The following BSN variants were observed in gnomAD, a reference collection of about 807,000 sequenced individuals.
BSN encodes the protein bassoon presynaptic cytomatrix protein, also known as protein bassoon.
Under a neutral mutation model 264.8 loss-of-function variants are expected in BSN, and 57 were observed. The observed-to-expected ratio is 0.22, with a 90% CI of 0.17 to 0.27. The LOEUF (loss-of-function observed/expected upper bound fraction) is 0.27. Ranked by LOEUF, BSN falls within the 10% of genes least tolerant of loss-of-function variation. The probability of loss-of-function intolerance (pLI) is 1.00; values close to 1 mark genes in which losing one functional copy is unlikely to be tolerated. For synonymous variants in BSN, 2,059 were observed against 2,137.3 expected (o/e 0.96, Z 1.01); for missense variants, 4,615 against 5,232.5 (o/e 0.88, Z 3.64).
chr3:49,660,799 A>G lies in BSN; in HGVS notation c.8954A>G (p.Gln2985Arg). Residue 2985 changes from glutamine to arginine, a missense_variant, in exon 6 of 12, where the codon CAA (glutamine) becomes CGA (arginine). Physicochemically the swap from Gln to Arg is conservative, Grantham distance 43. Coordinates refer to ENST00000296452, the MANE Select transcript of BSN (RefSeq NM_003458.4). This position sits in a 1 kb window ranked among gnomAD's most constrained non-coding sequence, Gnocchi z 7.1. The part of the protein sequence containing the change: ...KLKYLELGIT[Q>R]RKESLAKDRG... ...AAGTACCTGGAGTTGGGTATCACAC[A>G]ACGCAAAGAGTCTTTGGCCAAAGAC... The G allele has an allele frequency of 4.3e-6, 7 of 1,613,148 alleles. No individual in the cohort carries two copies. Among genetic ancestry groups the G allele is most frequent in the Non-Finnish European group, 5.9e-6 (7 of 1,179,998 alleles).
chr3:49,620,255 T>C (rs773642301), intron 1 of BSN, among the ~76,000 whole-genome samples: 26 of 152,104 alleles, frequency 1.7e-4, no homozygotes, highest in Non-Finnish European at 2.6e-4. Flanking sequence ...TGAAACCTCG[T>C]GTCTACTAAA....
In BSN at chr3:49,657,451, G is replaced by A. The variant is rs372666149; in HGVS notation, c.7895G>A (p.Arg2632His). ...WEQPVRRRRS[R>H]LPRHSDSGSD... ...CAGCCAGTGCGCCGCCGCAGGTCTC[G>A]TCTTCCCCGCCACTCAGACTCAGGC... The change falls in exon 5 of 12, where the codon CGT becomes CAT. Residue 2632 changes from arginine (R) to histidine (H), a missense_variant. By Grantham distance (29) the Arg-to-His change is conservative. Transcript: ENST00000296452. The A allele has an allele frequency of 7.4e-6, 12 of 1,612,440 alleles. No individual in the cohort carries two copies. Among genetic ancestry groups the A allele is most frequent in the East Asian group, 4.5e-5 (2 of 44,880 alleles).
At position 49,654,809 on chromosome 3, in the gene BSN, T is replaced by C. The variant is rs2052581551; in HGVS notation, c.5253T>C (p.Tyr1751=). ...FMAQQKQPVV[Y]GDPYQSRLDF... ...CTCAACAAAAGCAGCCTGTGGTCTATGGAGACCCCTACCAGAGCCGCCTTG... is the reference window on the plus strand; with the variant it reads ...CTCAACAAAAGCAGCCTGTGGTCTACGGAGACCCCTACCAGAGCCGCCTTG... Residue 1751 remains tyrosine (Y), a synonymous_variant, in exon 5 of 12, where the codon TAT becomes TAC. Coordinates refer to ENST00000296452, the MANE Select transcript of BSN (RefSeq NM_003458.4). The surrounding 1 kb of genome is among the most constrained non-coding windows in gnomAD (Gnocchi z 4.1). 1.9e-6 allele frequency: 3 copies of C among 1,613,532 alleles called. No individual in the cohort carries two copies. The highest frequency in any genetic ancestry group is 2.5e-6 in the Non-Finnish European group (3 of 1,179,970).
Position 49,642,976 on chromosome 3 carries a change from G to A in BSN, c.1342G>A (p.Ala448Thr). Residue 448 changes from alanine to threonine, a missense_variant, in exon 3 of 12, where the codon GCA (alanine) becomes ACA (threonine). Coordinates refer to ENST00000296452, the MANE Select transcript of BSN (RefSeq NM_003458.4). The surrounding 1 kb of genome is among the most constrained non-coding windows in gnomAD (Gnocchi z 7.0). ...PKHGRAEHQA[A>T]SKAAAKPKTM... is the part of the protein sequence containing the mutation. ...GCATGGCAGAGCAGAACATCAGGCA[G>A]CATCGAAGGCTGCTGCCAAGCCAAA... The A allele has an allele frequency of 6.2e-7, 1 of 1,614,066 alleles. No individual in the cohort carries two copies. The highest frequency in any genetic ancestry group is 1.3e-5 in the African/African-American group (1 of 75,064).
chr3:49,663,812 C>T lies in BSN; in HGVS notation c.11534C>T (p.Ser3845Phe). Residue 3845 changes from serine (S) to phenylalanine (F), a missense_variant, in exon 8 of 12, where the codon TCT (serine) becomes TTT (phenylalanine). This residue lies in a region of BSN where 3,415 missense variants were observed against 3,866.4 expected (regional missense o/e 0.88). Coordinates refer to ENST00000296452, the MANE Select transcript of BSN (RefSeq NM_003458.4). ...CCACGGGCAGAACAGACAAATGGCTCTAAAGGGACAGCCAAAGCACCGCAA... is the reference window on the plus strand; with the variant it reads ...CCACGGGCAGAACAGACAAATGGCTTTAAAGGGACAGCCAAAGCACCGCAA... ...GPPRAEQTNG[S>F]KGTAKAPQQG... 1 of 1,614,152 alleles carries T rather than the reference C, an allele frequency of 6.2e-7. No homozygotes were observed. The highest frequency in any genetic ancestry group is 8.5e-7 in the Non-Finnish European group (1 of 1,180,026).
rs1182046014 is a variant in BSN, at chr3:49,611,369, G to T, written c.225-13606G>T. Among the ~76,000 whole-genome samples the T allele has an allele frequency of 2.6e-5, 4 of 152,294 alleles. No individual in the cohort carries two copies. In the East Asian group the frequency reaches 7.7e-4, roughly 29 times the overall value. On this transcript the variant is annotated intron_variant, in intron 1 of 11. Transcript: ENST00000296452. Reference sequence around the variant, plus strand: ...TTCCTAGCTTTAGGAGCTGACCTAGGTCAGAACACTGTGATGCTGCACAAC... The same window carrying T: ...TTCCTAGCTTTAGGAGCTGACCTAGTTCAGAACACTGTGATGCTGCACAAC...
At chr3:49,672,824 G>C (rs907407952), downstream of BSN, among the ~76,000 whole-genome samples, 2 of 140,296 alleles carry the variant, frequency 1.4e-5, no homozygotes, top group African/African-American at 5.4e-5. Context: ...CTGTCGCCCA[G>C]GATGGAGTGC....
chr3:49,672,054 CA>C (rs1318537621), downstream of BSN, among the ~76,000 whole-genome samples: 2 of 105,972 alleles, frequency 1.9e-5, no homozygotes, highest in Non-Finnish European at 3.7e-5. Context: ...TTTTTTAACA[CA>C]GATAAACAGG....
intron 1 of BSN, among the ~76,000 whole-genome samples, chr3:49,565,504 T>C (rs988471041): frequency 6.6e-6 from 1 of 151,974 alleles, no homozygotes; most frequent in Non-Finnish European, 1.5e-5. Context: ...GTATGTTTAA[T>C]AGAGACGGGG....
intron 2 of BSN, among the ~76,000 whole-genome samples, chr3:49,629,827 A>G (rs1420356240): frequency 6.6e-6 from 1 of 152,234 alleles, no homozygotes; most frequent in African/African-American, 2.4e-5. Flanking sequence ...AGAATTACTT[A>G]TAAGCCTCTC....
Position 49,660,674 on chromosome 3 carries a change from G to C in BSN, c.8829G>C (p.Glu2943Asp). 6.2e-7 allele frequency: 1 copy of C among 1,613,390 alleles called. No individual in the cohort carries two copies. The highest frequency in any genetic ancestry group is 8.5e-7 in the Non-Finnish European group (1 of 1,179,998). The change falls in exon 6 of 12, where the codon GAG becomes GAC. Residue 2943 changes from glutamate (E) to aspartate (D), a missense_variant. Glu to Asp is a conservative substitution (Grantham distance 45). Around this residue, in one of 3 missense-constraint regions of BSN, gnomAD observed 3,415 missense variants for 3,866.4 expected, o/e 0.88. Coordinates refer to ENST00000296452, the MANE Select transcript of BSN (RefSeq NM_003458.4). This position sits in a 1 kb window ranked among gnomAD's most constrained non-coding sequence, Gnocchi z 7.1. ...VPATKASLLRELDRDLRLVEH... is the reference protein window; with the variant it reads ...VPATKASLLRDLDRDLRLVEH... ...CTACCAAGGCCAGCCTGCTCCGGGA[G>C]CTGGACCGGGACCTGCGGCTGGTGG... is the stretch of plus-strand genomic sequence containing the variant.
At chr3:49,659,864 G>C (rs1310989088) in intron 5 of BSN, among the ~76,000 whole-genome samples, 6 of 152,174 alleles carry the variant, frequency 3.9e-5, no homozygotes, top group African/African-American at 1.4e-4. Context: ...AGAGGGTTTG[G>C]CAGAGGGCAG....
rs2052662923 is a variant in BSN, at chr3:49,662,097, G to C, written c.10252G>C (p.Glu3418Gln). The C allele has an allele frequency of 5.0e-6, 8 of 1,613,418 alleles. No individual in the cohort carries two copies. Among genetic ancestry groups the C allele is most frequent in the Non-Finnish European group, 5.9e-6 (7 of 1,180,054 alleles). ...ITYGLKKNVY[E>Q]QQKYYGMSSR... ...CTATGGGCTCAAGAAGAACGTGTAT[G>C]AGCAGCAAAAATACTATGGGATGTC... The change falls in exon 6 of 12, where the codon GAG becomes CAG. Residue 3418 changes from glutamate to glutamine, a missense_variant. By Grantham distance (29) the Glu-to-Gln change is conservative. Transcript: ENST00000296452.
intron 1 of BSN, among the ~76,000 whole-genome samples, chr3:49,622,989 T>G (rs1411053790): frequency 6.6e-6 from 1 of 152,064 alleles, no homozygotes; most frequent in African/African-American, 2.4e-5. Context: ...TATTTAATAG[T>G]GTTTCTTTTT....
intron 1 of BSN, among the ~76,000 whole-genome samples, chr3:49,560,615 C>G (rs2051704740): frequency 6.6e-6 from 1 of 152,248 alleles, no homozygotes; most frequent in African/African-American, 2.4e-5. Context: ...CTGTGGGGGA[C>G]TCCTGCTCAG....
At chr3:49,665,834 T>G (rs893536710) in intron 11 of BSN, among the ~76,000 whole-genome samples, 2 of 152,128 alleles carry the variant, frequency 1.3e-5, no homozygotes, top group Non-Finnish European at 2.9e-5. Context: ...GGAAGGGACA[T>G]AGAGGAAAGG....
At chr3:49,645,583 G>A (rs747008494) in intron 3 of BSN, among the ~76,000 whole-genome samples, 2 of 152,190 alleles carry the variant, frequency 1.3e-5, no homozygotes, top group Admixed American at 1.3e-4. Context: ...AAACCTCTGT[G>A]CAGCTTCACC....
chr3:49,581,033 G>A (rs957289531), intron 1 of BSN, among the ~76,000 whole-genome samples: 1 of 150,142 alleles, frequency 6.7e-6, no homozygotes, highest in Non-Finnish European at 1.5e-5. Context: ...TCAGGCTGGA[G>A]TGCAGTGGTG....
At chr3:49,627,814 C>T (rs918070062) in intron 2 of BSN, among the ~76,000 whole-genome samples, 12 of 152,176 alleles carry the variant, frequency 7.9e-5, no homozygotes, top group Non-Finnish European at 1.2e-4. Context: ...TTTTCAGTTC[C>T]TCACTTCCCA....
Sources: gnomAD v4.1 joint callset for allele counts (sites outside exome capture counted in the v4.1 genomes callset) on GRCh38, gnomAD v4.1.1 for gene constraint, gnomAD v4.1.1 regional missense constraint, Gnocchi (gnomAD v3.1) non-coding constraint, MANE v1.5 for transcripts, NCBI Gene and HGNC (gene_info 2026-07-23, HGNC 2026-07-21) for gene names.